Variants in DCTN4 observed in about 807,000 individuals in gnomAD.
DCTN4 encodes the protein dynactin subunit 4, also known as dynactin 4 (p62).
Under a neutral mutation model 62.7 loss-of-function variants are expected in DCTN4, and 23 were observed. That is an observed-to-expected ratio of 0.37 (90% CI 0.26 to 0.52). DCTN4 has a LOEUF of 0.52. DCTN4 is among the 20% of genes least tolerant of loss of function. DCTN4 has a pLI of 0.92. For synonymous variants in DCTN4, 199 were observed against 202.1 expected (o/e 0.98, Z 0.13); for missense variants, 514 against 580.4 (o/e 0.89, Z 1.18).
rs776460666 is a variant in DCTN4, at chr5:150,733,428, C to T, written c.477G>A (p.Lys159=). 1.9e-6 allele frequency: 3 copies of T among 1,614,092 alleles called. No homozygotes were observed. The South Asian group carries it at 3.3e-5, about 18-fold the overall frequency. The change falls in exon 5 of 13, where the codon AAG becomes AAA. Residue 159 remains lysine (K), a synonymous_variant. Coordinates refer to ENST00000447998, the MANE Select transcript of DCTN4 (RefSeq NM_016221.4). ...EYYQQLAQKE[K]VERDRKKLAR... ...CCAGTTTCTTGCGATCTCGCTCAAC[C>T]TTCTCTTTCTGAGCAAGCTGCTGGT...
intron 12 of DCTN4, among the ~76,000 whole-genome samples, chr5:150,715,052 TCA>T (rs1271469100): frequency 6.6e-6 from 1 of 151,912 alleles, no homozygotes; most frequent in African/African-American, 2.4e-5. Context: ...TTGAAAACAT[TCA>T]GTCTACAGAC....
At chr5:150,736,252 T>A (rs1015704922) in intron 4 of DCTN4, 2 of 151,970 alleles carry the variant, frequency 1.3e-5, no homozygotes, top group Admixed American at 6.6e-5. Context: ...TACAAGAAGC[T>A]CAAAGAACAC....
At chr5:150,758,624 T>G (rs1752949427) in intron 1 of DCTN4, 18 of 1,261,390 alleles carry the variant, frequency 1.4e-5, no homozygotes, top group Non-Finnish European at 1.8e-5. Flanking sequence ...CTAAGTCAAG[T>G]TTGTCCAATC....
chr5:150,740,053 G>C (rs1342001924), intron 4 of DCTN4, among the ~76,000 whole-genome samples: 1 of 152,024 alleles, frequency 6.6e-6, no homozygotes, highest in Non-Finnish European at 1.5e-5. Flanking sequence ...AAAAGCAAAT[G>C]CAACAAAAAC....
intron 3 of DCTN4, among the ~76,000 whole-genome samples, chr5:150,747,612 A>T (rs990404711): frequency 6.6e-6 from 1 of 152,154 alleles, no homozygotes; most frequent in Non-Finnish European, 1.5e-5. Context: ...ATGGAACAGA[A>T]CAGAGCCCTC....
At chr5:150,729,983 G>C (rs917008693) in intron 8 of DCTN4, among the ~76,000 whole-genome samples, 1 of 151,718 alleles carries the variant, frequency 6.6e-6, no homozygotes, top group African/African-American at 2.4e-5. Flanking sequence ...TTCTAATCTA[G>C]AGAATGATTA....
In DCTN4 at chr5:150,715,595, G is replaced by A; in HGVS notation, c.1139C>T (p.Ala380Val). 6.2e-7 allele frequency: 1 copy of A among 1,614,150 alleles called. No homozygotes were observed. The highest frequency in any genetic ancestry group is 1.6e-4 in the Middle Eastern group (1 of 6,062). ...ATCGTCCTGAAAGTCTTGAGGTTCTGCCAACTCATCGTACTCTGCTGCTGC... is the reference window on the plus strand; with the variant it reads ...ATCGTCCTGAAAGTCTTGAGGTTCTACCAACTCATCGTACTCTGCTGCTGC... ...KDAAAEYDEL[A>V]EPQDFQDDPD... Residue 380 changes from alanine to valine, a missense_variant, in exon 12 of 13, where the codon GCA becomes GTA. By Grantham distance (64) the Ala-to-Val change is moderately conservative. Coordinates refer to ENST00000447998, the MANE Select transcript of DCTN4 (RefSeq NM_016221.4).
intron 4 of DCTN4, among the ~76,000 whole-genome samples, chr5:150,738,794 C>T (rs1400242660): frequency 4.6e-5 from 7 of 152,210 alleles, no homozygotes; most frequent in Admixed American, 4.6e-4. Flanking sequence ...AAAGGGCATC[C>T]AAATCAGTAA....
intron 12 of DCTN4, among the ~76,000 whole-genome samples, chr5:150,713,445 C>CTTTTTTTTTT (rs371366897): frequency 7.4e-6 from 1 of 135,608 alleles, no homozygotes; most frequent in Non-Finnish European, 1.6e-5. Context: ...CTTTTCTTTT[C>CTTTTTTTTTT]TTTTTTTTTT....
intron 4 of DCTN4, among the ~76,000 whole-genome samples, chr5:150,740,092 C>G (rs1018763472): frequency 1.2e-4 from 19 of 152,096 alleles, no homozygotes; most frequent in African/African-American, 4.6e-4. Flanking sequence ...AACTAAAAAG[C>G]TTCTGCACAG....
chr5:150,720,229 T>C (rs976369448), intron 9 of DCTN4, among the ~76,000 whole-genome samples: 7 of 152,196 alleles, frequency 4.6e-5, no homozygotes, highest in Admixed American at 1.3e-4. Context: ...ACGAAATCTA[T>C]TGCAGAAACA....
At chr5:150,713,229 G>C (rs1367752384) in intron 12 of DCTN4, among the ~76,000 whole-genome samples, 1 of 151,918 alleles carries the variant, frequency 6.6e-6, no homozygotes, top group Non-Finnish European at 1.5e-5. Context: ...TAATTTCCCA[G>C]GCAACCACTG....
At chr5:150,734,679 G>A (rs889915987) in intron 4 of DCTN4, among the ~76,000 whole-genome samples, 4 of 152,300 alleles carry the variant, frequency 2.6e-5, no homozygotes, top group South Asian at 2.1e-4. Context: ...GTACAGATAT[G>A]AGCACATAAG....
intron 5 of DCTN4, among the ~76,000 whole-genome samples, chr5:150,733,066 C>T (rs1262195992): frequency 6.6e-6 from 1 of 152,174 alleles, no homozygotes; most frequent in Non-Finnish European, 1.5e-5. Flanking sequence ...TTCTGTAATA[C>T]ACAAAAGCTG....
At chr5:150,746,591 T>C (rs1196789288) in intron 3 of DCTN4, among the ~76,000 whole-genome samples, 1 of 152,170 alleles carries the variant, frequency 6.6e-6, no homozygotes. Flanking sequence ...TTATCCAACA[T>C]GATCAAGTGG....
At chr5:150,726,864 T>C (rs1049144510) in intron 8 of DCTN4, among the ~76,000 whole-genome samples, 1 of 152,200 alleles carries the variant, frequency 6.6e-6, no homozygotes, top group Non-Finnish European at 1.5e-5. Context: ...ATCATGGTTT[T>C]GTAATTGCTA....
At chr5:150,739,737 A>T (rs1760705062) in intron 4 of DCTN4, among the ~76,000 whole-genome samples, 1 of 152,232 alleles carries the variant, frequency 6.6e-6, no homozygotes, top group Non-Finnish European at 1.5e-5. Context: ...AGGCACACAG[A>T]TCAATGAAAC....
intron 12 of DCTN4, among the ~76,000 whole-genome samples, chr5:150,714,375 C>A (rs764646225): frequency 3.3e-5 from 5 of 151,832 alleles, no homozygotes; most frequent in Non-Finnish European, 7.4e-5. Context: ...GGCCATCACT[C>A]CAAAAATGTC....
chr5:150,740,042 CA>C (rs762121293), intron 4 of DCTN4, among the ~76,000 whole-genome samples: 14 of 152,068 alleles, frequency 9.2e-5, no homozygotes, highest in Non-Finnish European at 2.1e-4. Context: ...ACCAAGAACC[CA>C]AAAGCAAATG....
Sources: gnomAD v4.1 joint callset for allele counts (sites outside exome capture counted in the v4.1 genomes callset) on GRCh38, gnomAD v4.1.1 for gene constraint, MANE v1.5 for transcripts, NCBI Gene and HGNC (gene_info 2026-07-23, HGNC 2026-07-21) for gene names.